WDR86: variants seen among roughly 807,000 people sequenced by gnomAD.
The protein encoded by WDR86 is WD repeat-containing protein 86.
Under a neutral mutation model 36.5 loss-of-function variants are expected in WDR86, and 30 were observed. That is an observed-to-expected ratio of 0.82 (90% CI 0.61 to 1.11). WDR86 has a LOEUF of 1.11. WDR86 is among the 50% of genes most tolerant of loss of function. The pLI, the probability that WDR86 is intolerant of heterozygous loss-of-function variation, is 0.00. For synonymous variants in WDR86, 255 were observed against 252.9 expected, an observed-to-expected ratio of 1.01 and a Z score of -0.08; for missense variants, 545 against 561.2, an observed-to-expected ratio of 0.97 and a Z score of 0.29.
At chr7:151,371,390 T>G (rs1797952846), downstream of WDR86, among the ~76,000 whole-genome samples, 1 of 107,516 alleles carries the variant, frequency 9.3e-6, no homozygotes, top group African/African-American at 3.6e-5. Flanking sequence ...ATCAGTGTCA[T>G]CCAGTCACAA....
intron 2 of WDR86, among the ~76,000 whole-genome samples, chr7:151,396,541 T>G (rs1032468266): frequency 6.6e-6 from 1 of 150,886 alleles, no homozygotes; most frequent in Non-Finnish European, 1.5e-5. Flanking sequence ...GGGAAGCGGG[T>G]GGGGGGGAAG....
downstream of WDR86, chr7:151,377,508 CA>C (rs1241553139): frequency 8.6e-6 from 2 of 233,582 alleles, no homozygotes; most frequent in Non-Finnish European, 1.7e-5. Context: ...CAGGAAGGAA[CA>C]GGGGTCCTGT....
downstream of WDR86, among the ~76,000 whole-genome samples, chr7:151,379,762 A>T (rs1023742578): frequency 6.6e-6 from 1 of 152,132 alleles, no homozygotes; most frequent in African/African-American, 2.4e-5. Flanking sequence ...TGCATGCTCC[A>T]TTCTCTGCTG....
chr7:151,407,976 G>C (rs985015059), intron 1 of WDR86, among the ~76,000 whole-genome samples: 4 of 152,050 alleles, frequency 2.6e-5, no homozygotes, highest in Non-Finnish European at 4.4e-5. Context: ...TCTTATGTTT[G>C]GGAGCAATAC....
chr7:151,400,225 C>T lies in WDR86; in HGVS notation c.180G>A (p.Val60=), dbSNP rs1447191873. 6.2e-7 allele frequency: 1 copy of T among 1,609,578 alleles called. No individual in the cohort carries two copies. The highest frequency in any genetic ancestry group is 8.5e-7 in the Non-Finnish European group (1 of 1,177,868). ...CCTCATCCTCCAGCTGGCAGAAGGT[C>T]ACATAGCTTTCATGTCCTGCAGATG... ...CALLQGHESY[V]TFCQLEDEAA... is the part of the protein sequence containing the mutation. The change falls in exon 2 of 6, where the codon GTG becomes GTA. Residue 60 remains valine, a synonymous_variant. Transcript: ENST00000334493.
At chr7:151,379,881 AC>A (rs141357218), downstream of WDR86, among the ~76,000 whole-genome samples, 486 of 152,236 alleles carry the variant, frequency 3.2e-3, 3 homozygotes, top group Middle Eastern at 0.014. Flanking sequence ...GTCAGTGTGA[AC>A]GTCTGTGCAG....
At chr7:151,398,164 G>A (rs1800006109) in intron 2 of WDR86, among the ~76,000 whole-genome samples, 1 of 152,086 alleles carries the variant, frequency 6.6e-6, no homozygotes, top group Non-Finnish European at 1.5e-5. Flanking sequence ...TGCACAATGT[G>A]TGCCTGCATG....
At chr7:151,400,298 T>C in intron 1 of WDR86, 57 bp from the exon 2 acceptor site, 1 of 1,472,318 alleles carries the variant, frequency 6.8e-7, no homozygotes, top group African/African-American at 1.4e-5. Flanking sequence ...CTCCTGCTTT[T>C]CTTCTGGGAA....
Position 151,381,168 on chromosome 7 carries a change from G to C in WDR86, c.*414C>G. On this transcript the variant is annotated 3_prime_UTR_variant, in exon 6 of 6. Coordinates refer to ENST00000334493, the MANE Select transcript of WDR86 (RefSeq NM_198285.3). This position sits in a 1 kb window ranked among gnomAD's most constrained non-coding sequence, Gnocchi z 4.8. ...TATTTCAGTTCCCCCCAAGGCCCTC[G>C]AGACGGACGATTTGCCAAAATAACC... is the stretch of plus-strand genomic sequence containing the variant. The C allele has an allele frequency of 8.0e-7, 1 of 1,250,378 alleles. No individual in the cohort carries two copies. Among genetic ancestry groups the C allele is most frequent in the Non-Finnish European group, 1.0e-6 (1 of 1,000,100 alleles). The allele number at this position is 1,250,378 out of a possible 1,614,324, so 77.5% of individuals were successfully genotyped here. A position where few individuals can be genotyped will look rare whatever the true frequency, so the allele number is the denominator to read the frequency against.
downstream of WDR86, among the ~76,000 whole-genome samples, chr7:151,379,959 G>A (rs1003201283): frequency 5.3e-5 from 8 of 152,210 alleles, no homozygotes; most frequent in South Asian, 2.1e-4. Flanking sequence ...CTGCGCCACC[G>A]GAACCGTCCC....
In WDR86 at chr7:151,409,208, C is replaced by A; in HGVS notation, c.163+219G>T. On this transcript the variant is annotated intron_variant, in intron 1 of 5. Coordinates refer to ENST00000334493, the MANE Select transcript of WDR86 (RefSeq NM_198285.3). The surrounding 1 kb of genome is among the most constrained non-coding windows in gnomAD (Gnocchi z 5.2). Reference sequence around the variant, plus strand: ...ACCCACCCACCCGATCCCGGCCGCACCCTGCTCTGCACCCGCACCCCACCC... The same window carrying A: ...ACCCACCCACCCGATCCCGGCCGCAACCTGCTCTGCACCCGCACCCCACCC... The A allele has an allele frequency of 4.2e-6, 3 of 715,892 alleles. No individual in the cohort carries two copies. Among genetic ancestry groups the A allele is most frequent in the East Asian group, 5.9e-5 (2 of 33,754 alleles). 44.3% of individuals were successfully genotyped at this position (715,892 alleles called of 1,614,324 possible).
At position 151,376,095 on chromosome 7, in the gene WDR86, C is replaced by T. The variant is rs563173539; in HGVS notation, n.1195G>A. ...TGTAACCTGCCCACCTCAGAGGCCA[C>T]CCACGCAGTAACAGAGGGCAGGGGA... On this transcript the variant is annotated non_coding_transcript_exon_variant, in exon 2 of 2. Transcript: ENST00000463000. 134 of 629,008 alleles carry T rather than the reference C, an allele frequency of 2.1e-4. 1 individual carries two copies. The East Asian group carries it at 3.6e-3, about 17-fold the overall frequency. The allele number at this position is 629,008 out of a possible 1,614,324, so 39.0% of individuals were successfully genotyped here.
Position 151,390,067 on chromosome 7 carries a change from G to T in WDR86, c.727-4844C>A, listed in dbSNP as rs576251256. ...AGGGCCCCAGGCAGGCCATGAGGCA[G>T]GGGCCCCAAAAGGATCCAAATGCAA... On this transcript the variant is annotated intron_variant, in intron 3 of 5. Transcript: ENST00000334493. The surrounding 1 kb of genome is among the most constrained non-coding windows in gnomAD (Gnocchi z 4.5). Among the ~76,000 whole-genome samples, 357 of 152,308 alleles carry T rather than the reference G, an allele frequency of 2.3e-3. 1 individual carries two copies. The highest frequency in any genetic ancestry group is 7.0e-3 in the South Asian group (34 of 4,830).
chr7:151,393,049 G>A (rs1799548065), intron 3 of WDR86, among the ~76,000 whole-genome samples: 2 of 152,216 alleles, frequency 1.3e-5, no homozygotes, highest in Admixed American at 1.3e-4. Context: ...TTGTGGGACT[G>A]GCTAAGTTTC....
intron 3 of WDR86, among the ~76,000 whole-genome samples, chr7:151,389,488 G>C (rs1032898497): frequency 1.3e-5 from 2 of 152,292 alleles, no homozygotes; most frequent in East Asian, 3.9e-4. Flanking sequence ...TGGCCCACCA[G>C]GAAACCTCAG....
At chr7:151,379,064 A>AGGAGAGGCCGTTGCC (rs1358519151), downstream of WDR86, among the ~76,000 whole-genome samples, 1 of 152,188 alleles carries the variant, frequency 6.6e-6, no homozygotes, top group Non-Finnish European at 1.5e-5. Flanking sequence ...AGGCCGTTGC[A>AGGAGAGGCCGTTGCC]GAGGAGGGGG....
chr7:151,400,802 T>C (rs1300494627), intron 1 of WDR86, among the ~76,000 whole-genome samples: 6 of 152,218 alleles, frequency 3.9e-5, no homozygotes, highest in Non-Finnish European at 8.8e-5. Flanking sequence ...GCAGCAACCA[T>C]GGCGACTGCG....
intron 1 of WDR86, among the ~76,000 whole-genome samples, chr7:151,404,731 A>G (rs563660097): frequency 3.9e-5 from 6 of 152,384 alleles, no homozygotes; most frequent in African/African-American, 1.4e-4. Flanking sequence ...TTATGTTCAA[A>G]GAACATGCTG....
chr7:151,407,201 A>G (rs556216629), intron 1 of WDR86, among the ~76,000 whole-genome samples: 1 of 152,326 alleles, frequency 6.6e-6, no homozygotes, highest in East Asian at 1.9e-4. Context: ...CCTGCCCTCA[A>G]TTAGGGCAGA....
Sources: allele counts gnomAD v4.1 joint callset (sites outside exome capture counted in the v4.1 genomes callset), GRCh38; gene constraint gnomAD v4.1.1; non-coding constraint Gnocchi (gnomAD v3.1); transcripts MANE v1.5; gene names NCBI Gene and HGNC (gene_info 2026-07-23, HGNC 2026-07-21).